Variants in ELAVL3 observed in about 807,000 individuals in gnomAD.
ELAVL3 encodes ELAV like RNA binding protein 3.
ELAVL3 carries 8 observed loss-of-function variants against 34.2 expected under a neutral mutation model. The observed-to-expected ratio is 0.23, with a 90% CI of 0.14 to 0.42. ELAVL3 has a LOEUF of 0.42. ELAVL3 is among the 10% of genes least tolerant of loss of function. The probability of loss-of-function intolerance (pLI) is 1.00; values close to 1 mark genes in which losing one functional copy is unlikely to be tolerated. For synonymous variants in ELAVL3, 209 were observed against 222.1 expected (o/e 0.94, Z 0.53); for missense variants, 273 against 518.8 (o/e 0.53, Z 4.60).
rs1970820884 is a variant in ELAVL3 at position 11,458,653 on chromosome 19, C to G, written c.334-42G>C. The G allele has an allele frequency of 6.2e-7, 1 of 1,607,460 alleles. No homozygotes were observed. Among genetic ancestry groups the G allele is most frequent in the Non-Finnish European group, 8.5e-7 (1 of 1,177,718 alleles). ...GATGGACAGGGGTGAGGCAGAGACCCATTTCACAGATGGAGAGAGTGAGGC... is the reference window on the plus strand; with the variant it reads ...GATGGACAGGGGTGAGGCAGAGACCGATTTCACAGATGGAGAGAGTGAGGC... On this transcript the variant is annotated intron_variant, in intron 3 of 6. Coordinates refer to ENST00000359227, the MANE Select transcript of ELAVL3 (RefSeq NM_001420.4). The surrounding 1 kb of genome is among the most constrained non-coding windows in gnomAD (Gnocchi z 7.3).
chr19:11,462,175 A>AAAC lies in ELAVL3; in HGVS notation c.334-3565_334-3564insGTT, dbSNP rs1491288583. On this transcript the variant is annotated intron_variant, in intron 3 of 6. Transcript: ENST00000359227. Reference sequence around the variant, plus strand: ...GGGCAACAGAGCGAGACTCCGTCTCAAAAAAAAAAAAAAAAAAGAAATAAC... The same window carrying AAAC: ...GGGCAACAGAGCGAGACTCCGTCTCAAACAAAAAAAAAAAAAAAAAGAAATAAC... Among the ~76,000 whole-genome samples, 56 of 74,310 alleles carry AAAC rather than the reference A, an allele frequency of 7.5e-4. No homozygotes were observed. In the African/African-American group the frequency reaches 9.5e-3, roughly 13 times the overall value. 48.8% of individuals were successfully genotyped at this position (74,310 alleles called of 152,430 possible). A position where few individuals can be genotyped will look rare whatever the true frequency, so the allele number is the denominator to read the frequency against.
rs369778910 is a variant in ELAVL3 at position 11,454,399 on chromosome 19, G to A, written c.*127C>T. Reference sequence around the variant, plus strand: ...ACCCTGTGGCTTCCGCAGGGACGTGGGGCCCTCGCGTCGTCCGTGGGGCTG... The same window carrying A: ...ACCCTGTGGCTTCCGCAGGGACGTGAGGCCCTCGCGTCGTCCGTGGGGCTG... On this transcript the variant is annotated 3_prime_UTR_variant, in exon 7 of 7. Transcript: ENST00000359227. This position sits in a 1 kb window ranked among gnomAD's most constrained non-coding sequence, Gnocchi z 9.2. 2.5e-4 allele frequency: 234 copies of A among 937,666 alleles called. No homozygotes were observed. Among genetic ancestry groups the A allele is most frequent in the African/African-American group, 2.1e-3 (124 of 60,270 alleles). The allele number at this position is 937,666 out of a possible 1,614,324, so 58.1% of individuals were successfully genotyped here.
At chr19:11,476,807 G>A (rs1483644436) in intron 1 of ELAVL3, among the ~76,000 whole-genome samples, 2 of 152,102 alleles carry the variant, frequency 1.3e-5, no homozygotes, top group African/African-American at 4.8e-5. Flanking sequence ...GCTGAGGCAG[G>A]AGAATCACTT....
At chr19:11,459,616 TTACC>T (rs150594458) in intron 3 of ELAVL3, among the ~76,000 whole-genome samples, 20,799 of 151,488 alleles carry the variant, frequency 0.14, 2,039 homozygotes, top group African/African-American at 0.26. Context: ...TCTCACTGTG[TTACC>T]TAGGCTGGTA....
chr19:11,454,236 G>GA lies in ELAVL3; in HGVS notation c.*289dup. ...TCTGCATTCTTTTTAGCCGAAAAAA[G>GA]AAACAAAAACCTTCACCATGAACCA... On this transcript the variant is annotated 3_prime_UTR_variant, in exon 7 of 7. Transcript: ENST00000359227. The surrounding 1 kb of genome is among the most constrained non-coding windows in gnomAD (Gnocchi z 9.2). The GA allele has an allele frequency of 2.6e-6, 1 of 383,746 alleles. No individual in the cohort carries two copies. The highest frequency in any genetic ancestry group is 5.3e-5 in the South Asian group (1 of 18,890). 23.8% of individuals were successfully genotyped at this position (383,746 alleles called of 1,614,324 possible). A position where few individuals can be genotyped will look rare whatever the true frequency, so the allele number is the denominator to read the frequency against.
intron 3 of ELAVL3, among the ~76,000 whole-genome samples, chr19:11,461,412 G>T (rs1183360469): frequency 6.6e-6 from 1 of 151,900 alleles, no homozygotes; most frequent in East Asian, 1.9e-4. Context: ...CTGGGGCGTG[G>T]TCATCAGCAA....
Position 11,454,224 on chromosome 19 carries a change from T to C in ELAVL3, c.*302A>G. 2.9e-6 allele frequency: 1 copy of C among 340,614 alleles called. No individual in the cohort carries two copies. The highest frequency in any genetic ancestry group is 4.4e-5 in the Admixed American group (1 of 22,572). 21.1% of individuals were successfully genotyped at this position (340,614 alleles called of 1,614,324 possible). A position where few individuals can be genotyped will look rare whatever the true frequency, so the allele number is the denominator to read the frequency against. On this transcript the variant is annotated 3_prime_UTR_variant, in exon 7 of 7. Coordinates refer to ENST00000359227, the MANE Select transcript of ELAVL3 (RefSeq NM_001420.4). The surrounding 1 kb of genome is among the most constrained non-coding windows in gnomAD (Gnocchi z 9.2). ...TGGGGGCACATCTCTGCATTCTTTTTAGCCGAAAAAAGAAACAAAAACCTT... is the reference window on the plus strand; with the variant it reads ...TGGGGGCACATCTCTGCATTCTTTTCAGCCGAAAAAAGAAACAAAAACCTT...
intron 3 of ELAVL3, among the ~76,000 whole-genome samples, chr19:11,464,672 AT>A (rs779247967): frequency 2.2e-4 from 27 of 123,154 alleles, no homozygotes; most frequent in African/African-American, 6.9e-4. Flanking sequence ...ACATACACAC[AT>A]CACACACACA....
In ELAVL3 at chr19:11,480,228, T is replaced by C. The variant is rs1190576019; in HGVS notation, c.9+372A>G. The C allele has an allele frequency of 4.2e-6, 1 of 239,152 alleles. No homozygotes were observed. Among genetic ancestry groups the C allele is most frequent in the East Asian group, 7.8e-5 (1 of 12,750 alleles). 14.8% of individuals were successfully genotyped at this position (239,152 alleles called of 1,614,324 possible). On this transcript the variant is annotated intron_variant, in intron 1 of 6. Transcript: ENST00000359227. This position sits in a 1 kb window ranked among gnomAD's most constrained non-coding sequence, Gnocchi z 6.8. ...TCGCTTTGGCTTGGCCCAGCACCAG[T>C]GATCGGGCCCTGCGTTTGCCTGGGC...
At position 11,452,486 on chromosome 19, in the gene ELAVL3, TC is replaced by T. The variant is rs1317098494; in HGVS notation, c.*2039del. ...TGCCAGTTTATGTCTTTTTTTTTTT[TC>T]CTTTTTTTTTTTTAAATCTCTTCTG... On this transcript the variant is annotated 3_prime_UTR_variant, in exon 7 of 7. Coordinates refer to ENST00000359227, the MANE Select transcript of ELAVL3 (RefSeq NM_001420.4). 2 of 150,334 alleles carry T rather than the reference TC, an allele frequency of 1.3e-5. No homozygotes were observed. The highest frequency in any genetic ancestry group is 2.5e-5 in the African/African-American group (1 of 40,216). The allele number at this position is 150,334 out of a possible 1,614,324, so 9.3% of individuals were successfully genotyped here.
rs556352025 is a variant in ELAVL3, at chr19:11,465,989, A to C, written c.333+183T>G. On this transcript the variant is annotated intron_variant, in intron 3 of 6. Transcript: ENST00000359227. ...GACAGGTGAGGAAACTGAGGTTTAG[A>C]GAGGGAAAGCCATTGCCCCCACCCC... Among the ~76,000 whole-genome samples the C allele has an allele frequency of 2.8e-4, 42 of 151,938 alleles. No individual in the cohort carries two copies. The South Asian group carries it at 5.0e-3, about 18-fold the overall frequency.
intron 1 of ELAVL3, among the ~76,000 whole-genome samples, chr19:11,475,307 T>A (rs117203359): frequency 2.0e-5 from 3 of 152,320 alleles, no homozygotes; most frequent in Non-Finnish European, 4.4e-5. Flanking sequence ...GGGAAATTCA[T>A]TTCAGTCCTG....
At position 11,454,479 on chromosome 19, in the gene ELAVL3, C is replaced by G; in HGVS notation, c.*47G>C. ...TCTCTCTCTCTCTCTTTCTCTCTCT[C>G]TCTCTCTGCTGCCCGGGGAGGGGGT... On this transcript the variant is annotated 3_prime_UTR_variant, in exon 7 of 7. Transcript: ENST00000359227. This position sits in a 1 kb window ranked among gnomAD's most constrained non-coding sequence, Gnocchi z 9.2. The G allele has an allele frequency of 6.8e-7, 1 of 1,474,104 alleles. No individual in the cohort carries two copies. The highest frequency in any genetic ancestry group is 9.1e-7 in the Non-Finnish European group (1 of 1,102,510). The allele number at this position is 1,474,104 out of a possible 1,614,324, so 91.3% of individuals were successfully genotyped here. A position where few individuals can be genotyped will look rare whatever the true frequency, so the allele number is the denominator to read the frequency against.
chr19:11,454,808 G>T lies in ELAVL3; in HGVS notation c.822C>A (p.Gly274=), dbSNP rs141353492. 322 of 1,611,172 alleles carry T rather than the reference G, an allele frequency of 2.0e-4. 2 individuals are homozygous for T. The African/African-American group carries it at 2.3e-3, about 11-fold the overall frequency. The change falls in exon 7 of 7, where the codon GGC becomes GGA. Residue 274 remains glycine (G), a synonymous_variant. Transcript: ENST00000359227. The surrounding 1 kb of genome is among the most constrained non-coding windows in gnomAD (Gnocchi z 9.2). The part of the protein sequence containing the change: ...IDGMSGLAGV[G]LSGGAAGAGW... ...CGGCGCCCGCCGCGCCCCCCGACAG[G>T]CCCACGCCCGCCAGGCCGCTCATAC...
chr19:11,456,663 C>T (rs928861023), intron 6 of ELAVL3, among the ~76,000 whole-genome samples: 2 of 151,640 alleles, frequency 1.3e-5, no homozygotes, highest in African/African-American at 4.8e-5. Flanking sequence ...CCGCGCCCAG[C>T]CACATTTTTT....
intron 1 of ELAVL3, among the ~76,000 whole-genome samples, chr19:11,468,338 C>A (rs541000751): frequency 6.6e-6 from 1 of 151,750 alleles, no homozygotes; most frequent in Non-Finnish European, 1.5e-5. Context: ...ATTTTTTCAT[C>A]TTCAGTCTAT....
intron 3 of ELAVL3, among the ~76,000 whole-genome samples, chr19:11,459,250 C>G (rs2144882188): frequency 6.7e-6 from 1 of 148,634 alleles, no homozygotes; most frequent in African/African-American, 2.5e-5. Context: ...AGCCTCCTGA[C>G]TAGCTGGGAT....
chr19:11,459,127 CTTT>C, intron 3 of ELAVL3, among the ~76,000 whole-genome samples: 1 of 123,724 alleles, frequency 8.1e-6, no homozygotes, highest in South Asian at 2.7e-4. Flanking sequence ...TTTTTTTTTT[CTTT>C]TTTTTTTTTT....
chr19:11,473,921 A>G (rs1381987851), intron 1 of ELAVL3, among the ~76,000 whole-genome samples: 1 of 152,206 alleles, frequency 6.6e-6, no homozygotes, highest in Non-Finnish European at 1.5e-5. Context: ...AGCTAAAGCC[A>G]TATGCTGTAA....
Sources: allele counts gnomAD v4.1 joint callset (sites outside exome capture counted in the v4.1 genomes callset), GRCh38; gene constraint gnomAD v4.1.1; non-coding constraint Gnocchi (gnomAD v3.1); transcripts MANE v1.5; gene names NCBI Gene and HGNC (gene_info 2026-07-23, HGNC 2026-07-21).